The following CNTNAP2 variants were observed in gnomAD, a reference collection of about 807,000 sequenced individuals.
CNTNAP2 encodes contactin-associated protein-like 2.
CNTNAP2 carries 98 observed loss-of-function variants against 155.2 expected under a neutral mutation model. That is an observed-to-expected ratio of 0.63 (90% CI 0.54 to 0.75). The LOEUF is 0.75. CNTNAP2 is among the 30% of genes least tolerant of loss of function. CNTNAP2 has a pLI of 0.00. For synonymous variants in CNTNAP2, 651 were observed against 631.2 expected, an observed-to-expected ratio of 1.03 and a Z score of -0.47; for missense variants, 1,727 against 1,688.1, an observed-to-expected ratio of 1.02 and a Z score of -0.40.
At chr7:146,521,851 T>C (rs1797620628) in intron 1 of CNTNAP2, among the ~76,000 whole-genome samples, 1 of 151,966 alleles carries the variant, frequency 6.6e-6, no homozygotes, top group Admixed American at 6.6e-5. Flanking sequence ...AAATATTAGA[T>C]TTAAAAAAAT....
intron 6 of CNTNAP2, chr7:147,122,860 T>C (rs775282300): frequency 6.6e-6 from 1 of 152,194 alleles, no homozygotes; most frequent in Admixed American, 6.5e-5. Context: ...CATATATATA[T>C]GTGTGTGTTA....
At chr7:147,614,744 T>C (rs559727400) in intron 12 of CNTNAP2, among the ~76,000 whole-genome samples, 1 of 152,150 alleles carries the variant, frequency 6.6e-6, no homozygotes, top group Non-Finnish European at 1.5e-5. Flanking sequence ...TGACTAATTC[T>C]TTGAACCTTC....
Position 146,772,873 on chromosome 7 carries a change from A to C in CNTNAP2, c.98-1398A>C, listed in dbSNP as rs979462262. 1.8e-4 allele frequency among the ~76,000 whole-genome samples: 28 copies of C among 152,130 alleles called. 1 individual carries two copies. Among genetic ancestry groups the C allele is most frequent in the African/African-American group, 6.8e-4 (28 of 41,446 alleles). ...AGAGCATTTTGAGTACAGCAGCCAC[A>C]AGTTCACTTACAGTTTGAAAAGTGT... On this transcript the variant is annotated intron_variant, in intron 1 of 23. Coordinates refer to ENST00000361727, the MANE Select transcript of CNTNAP2 (RefSeq NM_014141.6).
chr7:146,792,282 T>G (rs1802689000), intron 2 of CNTNAP2, among the ~76,000 whole-genome samples: 1 of 151,192 alleles, frequency 6.6e-6, no homozygotes, highest in Admixed American at 6.6e-5. Flanking sequence ...AAAAAAACAC[T>G]CTGCTACATG....
intron 15 of CNTNAP2, among the ~76,000 whole-genome samples, chr7:148,088,176 C>A (rs1803771486): frequency 6.6e-6 from 1 of 151,864 alleles, no homozygotes; most frequent in Non-Finnish European, 1.5e-5. Context: ...TTTTGCTTTC[C>A]CACCTCCAAT....
At chr7:146,724,063 A>G (rs1409366879) in intron 1 of CNTNAP2, among the ~76,000 whole-genome samples, 1 of 152,114 alleles carries the variant, frequency 6.6e-6, no homozygotes, top group African/African-American at 2.4e-5. Context: ...TTCATTTGCT[A>G]GATGTTGCAG....
At chr7:147,790,836 T>C (rs1797808664) in intron 13 of CNTNAP2, among the ~76,000 whole-genome samples, 1 of 152,266 alleles carries the variant, frequency 6.6e-6, no homozygotes. Flanking sequence ...ATGGTCATTA[T>C]TGGATCATAA....
chr7:147,254,461 C>G (rs1293997396), intron 8 of CNTNAP2, among the ~76,000 whole-genome samples: 1 of 151,862 alleles, frequency 6.6e-6, no homozygotes, highest in Admixed American at 6.6e-5. Context: ...CCATTTTGAA[C>G]TAAAGAAGTT....
chr7:146,667,973 T>C (rs1303112636), intron 1 of CNTNAP2, among the ~76,000 whole-genome samples: 3 of 152,106 alleles, frequency 2.0e-5, no homozygotes, highest in Non-Finnish European at 4.4e-5. Context: ...AATTTTCATT[T>C]CCCAATTGCT....
intron 2 of CNTNAP2, among the ~76,000 whole-genome samples, chr7:146,785,590 G>C (rs1052169962): frequency 1.3e-5 from 2 of 152,124 alleles, no homozygotes. Context: ...TACTTTTCTT[G>C]TTCCAAAAAA....
At chr7:146,692,617 C>G (rs1800717081) in intron 1 of CNTNAP2, among the ~76,000 whole-genome samples, 1 of 152,122 alleles carries the variant, frequency 6.6e-6, no homozygotes, top group East Asian at 1.9e-4. Flanking sequence ...CCTTGAGGAG[C>G]AAATCTCAGT....
chr7:148,008,974 C>A (rs1444167800), intron 15 of CNTNAP2, among the ~76,000 whole-genome samples: 2 of 152,298 alleles, frequency 1.3e-5, no homozygotes, highest in Non-Finnish European at 1.5e-5. Flanking sequence ...TGTGGAGTAA[C>A]AAACCCTTAA....
chr7:146,906,832 C>T (rs2129215366), intron 3 of CNTNAP2, among the ~76,000 whole-genome samples: 1 of 151,248 alleles, frequency 6.6e-6, no homozygotes, highest in Non-Finnish European at 1.5e-5. Context: ...GAGAAGAAGG[C>T]TTCAGACGAT....
chr7:147,353,967 C>T (rs1272944715), intron 9 of CNTNAP2, among the ~76,000 whole-genome samples: 7 of 117,494 alleles, frequency 6.0e-5, no homozygotes, highest in East Asian at 2.3e-4. Context: ...TCATATCCTT[C>T]GCCCACTTTT....
chr7:147,227,443 G>T (rs931396068), intron 8 of CNTNAP2, among the ~76,000 whole-genome samples: 2 of 152,110 alleles, frequency 1.3e-5, no homozygotes, highest in African/African-American at 4.8e-5. Context: ...TAACTGCCAC[G>T]TTGAAAATGG....
chr7:147,764,694 A>G (rs1165494537), intron 13 of CNTNAP2, among the ~76,000 whole-genome samples: 1 of 152,220 alleles, frequency 6.6e-6, no homozygotes, highest in African/African-American at 2.4e-5. Flanking sequence ...AGTTAAACAT[A>G]TTGTAAATTC....
chr7:146,142,683 C>A (rs1232881403), intron 1 of CNTNAP2, among the ~76,000 whole-genome samples: 1 of 152,210 alleles, frequency 6.6e-6, no homozygotes, highest in South Asian at 2.1e-4. Context: ...TAAACTTTCA[C>A]TTCGTATTAC....
At chr7:146,975,274 G>A (rs973207148) in intron 3 of CNTNAP2, among the ~76,000 whole-genome samples, 19 of 152,048 alleles carry the variant, frequency 1.2e-4, no homozygotes, top group Admixed American at 3.3e-4. Context: ...AGACCACCCT[G>A]GCCAACATGG....
intron 15 of CNTNAP2, among the ~76,000 whole-genome samples, chr7:148,097,500 C>T (rs939268436): frequency 5.9e-5 from 9 of 151,758 alleles, no homozygotes; most frequent in South Asian, 2.1e-4. Context: ...TTTGGGGGGG[C>T]GGGGCACGGA....
Sources: gnomAD v4.1 joint callset for allele counts (sites outside exome capture counted in the v4.1 genomes callset) on GRCh38, gnomAD v4.1.1 for gene constraint, MANE v1.5 for transcripts, NCBI Gene and HGNC (gene_info 2026-07-23, HGNC 2026-07-21) for gene names.